The following LRP1B variants were observed in gnomAD, a reference collection of about 807,000 sequenced individuals.
The protein encoded by LRP1B is low-density lipoprotein receptor-related protein 1B.
In LRP1B, 217 loss-of-function variants were observed where a neutral mutation model predicts 556.6. That is an observed-to-expected ratio of 0.39 (90% CI 0.35 to 0.44). LRP1B has a LOEUF of 0.44. LRP1B is among the 20% of genes least tolerant of loss of function. The probability of loss-of-function intolerance (pLI) is 1.00; values close to 1 mark genes in which losing one functional copy is unlikely to be tolerated. For synonymous variants in LRP1B, 2,047 were observed against 1,865.8 expected, an observed-to-expected ratio of 1.10 and a Z score of -2.50; for missense variants, 5,053 against 5,620.8, an observed-to-expected ratio of 0.90 and a Z score of 3.23.
chr2:141,076,385 C>G (rs1023514354), intron 7 of LRP1B, among the ~76,000 whole-genome samples: 1 of 152,092 alleles, frequency 6.6e-6, no homozygotes, highest in Non-Finnish European at 1.5e-5. Context: ...GGGCATTTTT[C>G]TGGCAAGAGG....
At chr2:140,631,551 C>T (rs1209991388) in intron 41 of LRP1B, among the ~76,000 whole-genome samples, 3 of 152,176 alleles carry the variant, frequency 2.0e-5, no homozygotes, top group Non-Finnish European at 4.4e-5. Context: ...AGACTGAATA[C>T]AGCTAACGAA....
At chr2:141,847,760 A>T (rs1458043434) in intron 1 of LRP1B, among the ~76,000 whole-genome samples, 1 of 151,592 alleles carries the variant, frequency 6.6e-6, no homozygotes, top group Non-Finnish European at 1.5e-5. Context: ...AAATTCTCTA[A>T]TACTGTTACA....
intron 9 of LRP1B, 22 bp from the exon 10 acceptor site, chr2:141,055,281 A>G (rs371479755): frequency 6.3e-7 from 1 of 1,595,690 alleles, no homozygotes; most frequent in Non-Finnish European, 8.5e-7. Context: ...AAAAAACAGC[A>G]TGCGTGAAAT....
At chr2:141,462,882 T>C (rs1250553969) in intron 3 of LRP1B, among the ~76,000 whole-genome samples, 2 of 152,120 alleles carry the variant, frequency 1.3e-5, no homozygotes, top group Non-Finnish European at 2.9e-5. Flanking sequence ...GAATGGCTAT[T>C]ATATCATAAA....
intron 41 of LRP1B, among the ~76,000 whole-genome samples, chr2:140,608,838 G>A (rs1396467358): frequency 6.6e-6 from 1 of 152,222 alleles, no homozygotes; most frequent in South Asian, 2.1e-4. Context: ...TTCTTTGTTT[G>A]TTTGTTTGTT....
At chr2:140,328,606 G>T (rs1006246493) in intron 79 of LRP1B, among the ~76,000 whole-genome samples, 2 of 152,012 alleles carry the variant, frequency 1.3e-5, no homozygotes, top group African/African-American at 4.8e-5. Context: ...TATCCATTCT[G>T]TTTTAATGGA....
At chr2:141,031,668 T>G (rs1698375364) in intron 11 of LRP1B, among the ~76,000 whole-genome samples, 1 of 152,062 alleles carries the variant, frequency 6.6e-6, no homozygotes, top group South Asian at 2.1e-4. Context: ...AAGAGACAAC[T>G]TGTAGCACAC....
intron 34 of LRP1B, 52 bp downstream of exon 34, chr2:140,770,829 A>G: frequency 6.8e-7 from 1 of 1,464,856 alleles, no homozygotes; most frequent in Non-Finnish European, 9.0e-7. Flanking sequence ...CATGGTATGT[A>G]ATGATTAGTG....
At position 141,825,740 on chromosome 2, in the gene LRP1B, A is replaced by G. The variant is rs533623018; in HGVS notation, c.83-15339T>C. Among the ~76,000 whole-genome samples the G allele has an allele frequency of 2.6e-5, 4 of 152,336 alleles. No homozygotes were observed. The South Asian group carries it at 8.3e-4, about 32-fold the overall frequency. On this transcript the variant is annotated intron_variant, in intron 1 of 90. Transcript: ENST00000389484. Reference sequence around the variant, plus strand: ...ACAGTAGACACCTCATGAGAATTTAAGTGAAATCTCATCAAAGTAATTATT... The same window carrying G: ...ACAGTAGACACCTCATGAGAATTTAGGTGAAATCTCATCAAAGTAATTATT...
At chr2:141,058,033 A>G (rs1699230573) in intron 9 of LRP1B, among the ~76,000 whole-genome samples, 1 of 151,914 alleles carries the variant, frequency 6.6e-6, no homozygotes, top group African/African-American at 2.4e-5. Flanking sequence ...GTAAACTCAT[A>G]AAGGCAAGAC....
intron 3 of LRP1B, among the ~76,000 whole-genome samples, chr2:141,414,246 A>AAAAG (rs1553511550): frequency 5.4e-5 from 8 of 147,808 alleles, no homozygotes; most frequent in African/African-American, 2.1e-4. Flanking sequence ...TCAAAAAAAA[A>AAAAG]AAAAAAAGAA....
chr2:141,386,120 A>G (rs1052816262), intron 3 of LRP1B, among the ~76,000 whole-genome samples: 7 of 152,116 alleles, frequency 4.6e-5, no homozygotes, highest in African/African-American at 1.7e-4. Context: ...CAAAATTATG[A>G]AAAATATTGT....
At chr2:140,552,242 A>G (rs148993743) in intron 43 of LRP1B, among the ~76,000 whole-genome samples, 1,901 of 152,218 alleles carry the variant, frequency 0.012, 35 homozygotes, top group African/African-American at 0.041. Context: ...ATCAACAAAC[A>G]TTTTTGAATC....
chr2:140,420,386 C>G (rs901382447), intron 66 of LRP1B, among the ~76,000 whole-genome samples: 2 of 152,120 alleles, frequency 1.3e-5, no homozygotes, highest in Admixed American at 1.3e-4. Context: ...AGGAGTTGTT[C>G]CCAAGGATGT....
chr2:141,677,592 C>A (rs147932148), intron 2 of LRP1B, among the ~76,000 whole-genome samples: 1 of 152,062 alleles, frequency 6.6e-6, no homozygotes, highest in African/African-American at 2.4e-5. Flanking sequence ...TGGGTTCAAG[C>A]GATTCTCCTG....
chr2:140,847,297 C>T (rs1692301449), intron 29 of LRP1B, among the ~76,000 whole-genome samples: 1 of 152,190 alleles, frequency 6.6e-6, no homozygotes, highest in Non-Finnish European at 1.5e-5. Context: ...CCCTGAAGCA[C>T]TTCCTTAATT....
intron 10 of LRP1B, among the ~76,000 whole-genome samples, chr2:141,051,907 A>AT (rs1004300216): frequency 1.3e-5 from 2 of 151,818 alleles, no homozygotes; most frequent in Non-Finnish European, 2.9e-5. Context: ...GTATGTAGGT[A>AT]TTTTTTCAAT....
At chr2:141,510,877 A>AACAC (rs763698242) in intron 2 of LRP1B, among the ~76,000 whole-genome samples, 8 of 141,358 alleles carry the variant, frequency 5.7e-5, no homozygotes, top group South Asian at 2.3e-4. Flanking sequence ...TCCTTGTCTA[A>AACAC]ACACACACAC....
At position 141,510,300 on chromosome 2, in the gene LRP1B, C is replaced by T. The variant is rs112455192; in HGVS notation, c.206-29767G>A. Among the ~76,000 whole-genome samples the T allele has an allele frequency of 5.9e-3, 885 of 150,736 alleles. 15 individuals are homozygous for T. The highest frequency in any genetic ancestry group is 0.02 in the African/African-American group (832 of 40,968). On this transcript the variant is annotated intron_variant, in intron 2 of 90. Transcript: ENST00000389484. ...ATATACGTATGTGCAGAAATACATACGAAATTTAATAACTCCATGCATTAC... is the reference window on the plus strand; with the variant it reads ...ATATACGTATGTGCAGAAATACATATGAAATTTAATAACTCCATGCATTAC...
Sources: gnomAD v4.1 joint callset for allele counts (sites outside exome capture counted in the v4.1 genomes callset) on GRCh38, gnomAD v4.1.1 for gene constraint, MANE v1.5 for transcripts, NCBI Gene and HGNC (gene_info 2026-07-23, HGNC 2026-07-21) for gene names.